GBP4: variants seen among roughly 807,000 people sequenced by gnomAD.
GBP4 encodes the protein guanylate binding protein 4.
Under a neutral mutation model 62.2 loss-of-function variants are expected in GBP4, and 69 were observed. The observed-to-expected ratio is 1.11, with a 90% confidence interval of 0.91 to 1.36. The LOEUF is 1.36. GBP4 is among the 40% of genes most tolerant of loss of function. GBP4 has a pLI of 0.00. For missense variants in GBP4, 697 were observed against 759.3 expected (o/e 0.92, Z 0.96); for synonymous variants, 278 against 274.6 (o/e 1.01, Z -0.12).
intron 2 of GBP4, 62 bp downstream of exon 2, chr1:89,197,048 T>C: frequency 7.2e-7 from 1 of 1,389,754 alleles, no homozygotes; most frequent in Non-Finnish European, 9.9e-7. Flanking sequence ...CTAGAGGGGG[T>C]GTGATCAGCT....
In GBP4 at chr1:89,197,129, A is replaced by C; in HGVS notation, c.216T>G (p.Arg72=). The C allele has an allele frequency of 6.2e-7, 1 of 1,613,258 alleles. No individual in the cohort carries two copies. Among genetic ancestry groups the C allele is most frequent in the Non-Finnish European group, 8.5e-7 (1 of 1,179,450 alleles). Residue 72 remains arginine (R), a synonymous_variant, in exon 2 of 11, where the codon CGT becomes CGG. Transcript: ENST00000355754. ...YRTGKSYLMN[R]LAGKRNGFPL... ...ACTCACCATTGCGCTTTCCTGCAAG[A>C]CGATTCATGAGATAGGATTTTCCTG...
intron 2 of GBP4, 98 bp from the exon 3 acceptor site, chr1:89,195,522 A>G: frequency 2.8e-6 from 4 of 1,433,010 alleles, no homozygotes; most frequent in Non-Finnish European, 3.8e-6. Flanking sequence ...TAAGTGGCTG[A>G]CAGGGGAAAA....
intron 2 of GBP4, 137 bp from the exon 3 acceptor site, chr1:89,195,561 T>C: frequency 1.1e-6 from 1 of 938,896 alleles, no homozygotes; most frequent in Non-Finnish European, 1.6e-6. Context: ...GCAGGACAAC[T>C]AATCTGACCT....
rs570318000 is a variant in GBP4, at chr1:89,193,293, A to G, written c.473+10T>C. On this transcript the variant is annotated intron_variant, in intron 4 of 10. Transcript: ENST00000355754. ...CCATAAAACCTGCTCTTCACTTCCC[A>G]GAAGGATACTGCAGCTGCTCCAGGG... is the stretch of plus-strand genomic sequence containing the variant. 6.2e-6 allele frequency: 10 copies of G among 1,612,480 alleles called. No homozygotes were observed. In the African/African-American group the frequency reaches 8.0e-5, roughly 13 times the overall value.
Position 89,185,132 on chromosome 1 carries a change from T to C in GBP4, c.*122A>G, listed in dbSNP as rs983639287. The C allele has an allele frequency of 5.2e-6, 3 of 577,536 alleles. No homozygotes were observed. The highest frequency in any genetic ancestry group is 3.0e-6 in the Non-Finnish European group (1 of 335,300). 35.8% of individuals were successfully genotyped at this position (577,536 alleles called of 1,614,324 possible). On this transcript the variant is annotated 3_prime_UTR_variant, in exon 11 of 11. Transcript: ENST00000355754. ...ATATTCTTTGATAATCACTTTTTAA[T>C]TTTAAACTTTTCTTGAATGAAACTG...
rs934608553 is a variant in GBP4 at position 89,183,960 on chromosome 1, A to C, written c.*1294T>G. ...GAATGGTAGAAAATATTTGCCAACT[A>C]TGCATCCAACAAAGATCTAATATCC... On this transcript the variant is annotated 3_prime_UTR_variant, in exon 11 of 11. Coordinates refer to ENST00000355754, the MANE Select transcript of GBP4 (RefSeq NM_052941.5). The C allele has an allele frequency of 1.3e-5, 2 of 152,232 alleles. No homozygotes were observed. Among genetic ancestry groups the C allele is most frequent in the Non-Finnish European group, 2.9e-5 (2 of 68,040 alleles). The allele number at this position is 152,232 out of a possible 1,614,324, so 9.4% of individuals were successfully genotyped here.
chr1:89,186,939 C>A (rs1648052750), intron 9 of GBP4, 61 bp downstream of exon 9: 2 of 1,434,400 alleles, frequency 1.4e-6, no homozygotes, highest in African/African-American at 1.4e-5. Flanking sequence ...TCAGTGTGAT[C>A]AGCAAGAAGG....
Position 89,198,797 on chromosome 1 carries a change from G to A in GBP4, c.38C>T (p.Pro13Leu). Residue 13 changes from proline to leucine, a missense_variant and splice_region_variant, in exon 1 of 11, where the codon CCA becomes CTA. By Grantham distance (98) the Pro-to-Leu change is moderately conservative. Transcript: ENST00000355754. ...ERTLHAAVPT[P>L]GYPESESIMM... ...GTAAAGCTTAAGAGCAAACTTACCT[G>A]GTGTGGGCACTGCAGCGTGAAGAGT... 1.2e-6 allele frequency: 2 copies of A among 1,613,186 alleles called. No homozygotes were observed. Among genetic ancestry groups the A allele is most frequent in the South Asian group, 2.2e-5 (2 of 91,070 alleles).
At position 89,195,362 on chromosome 1, in the gene GBP4, G is replaced by A. The variant is rs768802950; in HGVS notation, c.298C>T (p.His100Tyr). ...AGGGTGTGGTTTGGCTTAGAGAGGT[G>A]GGGCACACACCACATCCAGATGCCC... Reference protein sequence around the residue: ...TKGIWMWCVPHLSKPNHTLVL... With the variant: ...TKGIWMWCVPYLSKPNHTLVL... Residue 100 changes from histidine (H) to tyrosine (Y), a missense_variant, in exon 3 of 11, where the codon CAC becomes TAC. Transcript: ENST00000355754. The A allele has an allele frequency of 1.9e-6, 3 of 1,613,856 alleles. No homozygotes were observed. In the African/African-American group the frequency reaches 4.0e-5, roughly 22 times the overall value.
rs1438604664 is a variant in GBP4 at position 89,181,491 on chromosome 1, G to C, written c.*3763C>G. ...ACAGGGGATATGATGGCTTAGCTTG[G>C]GCTCAGAGGCCTGACATTTAGTATA... On this transcript the variant is annotated 3_prime_UTR_variant, in exon 11 of 11. Transcript: ENST00000355754. The C allele has an allele frequency of 1.3e-5, 2 of 152,116 alleles. No homozygotes were observed. The highest frequency in any genetic ancestry group is 4.8e-5 in the African/African-American group (2 of 41,310). The allele number at this position is 152,116 out of a possible 1,614,324, so 9.4% of individuals were successfully genotyped here. A position where few individuals can be genotyped will look rare whatever the true frequency, so the allele number is the denominator to read the frequency against.
chr1:89,187,585 C>G (rs374034066), intron 8 of GBP4, among the ~76,000 whole-genome samples: 10 of 152,016 alleles, frequency 6.6e-5, no homozygotes, highest in African/African-American at 2.2e-4. Context: ...AAATCTGATA[C>G]TGGGTTAATA....
In GBP4 at chr1:89,188,627, T is replaced by C. The variant is rs1399987573; in HGVS notation, c.1365A>G (p.Lys455=). ...CTAGCTTATAGTCCCACTCAACCTG[T>C]TTCTTTTCTTCTAAGTAGAGATTGT... ...GGHNLYLEEK[K]QVEWDYKLVP... The change falls in exon 8 of 11, where the codon AAA becomes AAG. Residue 455 remains lysine (K), a synonymous_variant. Coordinates refer to ENST00000355754, the MANE Select transcript of GBP4 (RefSeq NM_052941.5). The C allele has an allele frequency of 6.2e-7, 1 of 1,614,208 alleles. No homozygotes were observed. Among genetic ancestry groups the C allele is most frequent in the Admixed American group, 1.7e-5 (1 of 60,034 alleles).
intron 3 of GBP4, among the ~76,000 whole-genome samples, 161 bp from the exon 4 acceptor site, chr1:89,193,573 T>G (rs1287411284): frequency 6.6e-6 from 1 of 152,228 alleles, no homozygotes; most frequent in Non-Finnish European, 1.5e-5. Context: ...ATTTAGATTT[T>G]TACATTAATC....
intron 10 of GBP4, among the ~76,000 whole-genome samples, chr1:89,186,075 C>T (rs1454160897): frequency 6.6e-6 from 1 of 152,178 alleles, no homozygotes; most frequent in Non-Finnish European, 1.5e-5. Flanking sequence ...GTGAGACCAT[C>T]CTGTAGTCAC....
Position 89,184,658 on chromosome 1 carries a change from T to C in GBP4, c.*596A>G, listed in dbSNP as rs1012213235. 6.6e-6 allele frequency: 1 copy of C among 152,124 alleles called. No individual in the cohort carries two copies. Among genetic ancestry groups the C allele is most frequent in the African/African-American group, 2.4e-5 (1 of 41,390 alleles). The allele number at this position is 152,124 out of a possible 1,614,324, so 9.4% of individuals were successfully genotyped here. A position where few individuals can be genotyped will look rare whatever the true frequency, so the allele number is the denominator to read the frequency against. On this transcript the variant is annotated 3_prime_UTR_variant, in exon 11 of 11. Coordinates refer to ENST00000355754, the MANE Select transcript of GBP4 (RefSeq NM_052941.5). Reference sequence around the variant, plus strand: ...ATGGGGGCCAAACAAAGAGAACACATGGATACTCAGAGGAGAACAAGAGAC... The same window carrying C: ...ATGGGGGCCAAACAAAGAGAACACACGGATACTCAGAGGAGAACAAGAGAC...
In GBP4 at chr1:89,185,095, T is replaced by G; in HGVS notation, c.*159A>C. 1 of 506,178 alleles carries G rather than the reference T, an allele frequency of 2.0e-6. No homozygotes were observed. Among genetic ancestry groups the G allele is most frequent in the Non-Finnish European group, 3.5e-6 (1 of 285,408 alleles). 31.4% of individuals were successfully genotyped at this position (506,178 alleles called of 1,614,324 possible). On this transcript the variant is annotated 3_prime_UTR_variant, in exon 11 of 11. Coordinates refer to ENST00000355754, the MANE Select transcript of GBP4 (RefSeq NM_052941.5). ...CAAAATTAAGTTTGTTTTTTGTGGA[T>G]GTCAGGCCCTGATATTCTTTGATAA...
chr1:89,196,717 G>T (rs536987152), intron 2 of GBP4, among the ~76,000 whole-genome samples: 1 of 152,166 alleles, frequency 6.6e-6, no homozygotes, highest in Non-Finnish European at 1.5e-5. Context: ...GGATACACAA[G>T]AATTATAATG....
Position 89,193,666 on chromosome 1 carries a change from T to C in GBP4, c.364-254A>G, listed in dbSNP as rs149204818. ...ATTCAATAAAGTGCCTAGAACATAA[T>C]AGGTGCCAAGTAATCAGCGTGCAAT... is the stretch of plus-strand genomic sequence containing the variant. On this transcript the variant is annotated intron_variant, in intron 3 of 10. Transcript: ENST00000355754. Among the ~76,000 whole-genome samples the C allele has an allele frequency of 4.5e-3, 679 of 152,302 alleles. 1 individual carries two copies. The highest frequency in any genetic ancestry group is 0.01 in the Middle Eastern group (3 of 294).
chr1:89,189,602 A>T (rs538688011), intron 7 of GBP4, among the ~76,000 whole-genome samples: 14 of 152,362 alleles, frequency 9.2e-5, no homozygotes, highest in African/African-American at 2.9e-4. Context: ...GGTTTTCTCT[A>T]GCTGGTGTGA....
Sources: allele counts gnomAD v4.1 joint callset (sites outside exome capture counted in the v4.1 genomes callset), GRCh38; gene constraint gnomAD v4.1.1; transcripts MANE v1.5; gene names NCBI Gene and HGNC (gene_info 2026-07-23, HGNC 2026-07-21).